The following PRH1 variants were observed in gnomAD, a reference collection of about 807,000 sequenced individuals.
PRH1 encodes the protein salivary acidic proline-rich phosphoprotein 1/2.
PRH1 carries 7 observed loss-of-function variants against 7.9 expected under a neutral mutation model. The ratio of observed to expected loss-of-function variants is 0.89; its 90% CI spans 0.50 to 1.67. The LOEUF (loss-of-function observed/expected upper bound fraction) is 1.67. Among genes scored for constraint, PRH1 ranks in the 40% most tolerant of loss-of-function variants. The pLI, the probability that PRH1 is intolerant of heterozygous loss-of-function variation, is 0.00. For synonymous variants in PRH1, 45 were observed against 80.8 expected (o/e 0.56, Z 2.38); for missense variants, 109 against 223.6 (o/e 0.49, Z 3.27).
intron 1 of PRH1, chr12:11,021,855 G>A: frequency 6.2e-7 from 1 of 1,614,258 alleles, no homozygotes; most frequent in Non-Finnish European, 8.5e-7. Flanking sequence ...GAAAGTAAAT[G>A]GCAAATAACA....
downstream of PRH1, among the ~76,000 whole-genome samples, chr12:11,116,157 C>T (rs2597944): frequency 0.46 from 69,059 of 151,374 alleles, 16,517 homozygotes; most frequent in Non-Finnish European, 0.53. Context: ...TCAGGCCGAC[C>T]AAGAAAAAAA....
intron 1 of PRH1, chr12:11,022,481 T>C: frequency 6.2e-7 from 1 of 1,613,742 alleles, no homozygotes; most frequent in Non-Finnish European, 8.5e-7. Flanking sequence ...TCAATGACAT[T>C]TACTAGGGCT....
At chr12:10,940,411 G>A (rs1398512146) in intron 2 of PRH1, among the ~76,000 whole-genome samples, 5 of 152,036 alleles carry the variant, frequency 3.3e-5, no homozygotes, top group Non-Finnish European at 1.5e-5. Context: ...TAAATATTCC[G>A]GAGACTTTGG....
chr12:10,902,834 A>G (rs1949742654), intron 2 of PRH1, among the ~76,000 whole-genome samples: 1 of 152,184 alleles, frequency 6.6e-6, no homozygotes, highest in Admixed American at 6.5e-5. Flanking sequence ...AAAGGAATTT[A>G]TTACCACTGG....
At chr12:10,981,371 T>TC (rs1475517218) in intron 1 of PRH1, among the ~76,000 whole-genome samples, 24 of 41,858 alleles carry the variant, frequency 5.7e-4, no homozygotes, top group Admixed American at 5.7e-3. Context: ...CTGGATTTTT[T>TC]TTTTTTTTTT....
At position 11,096,011 on chromosome 12, in the gene PRH1, T is replaced by C. The variant is rs2136272541; in HGVS notation, n.124-48823A>G. ...AATCTATCTTTTCCTCTAGTTACTT[T>C]TCAGGTTTTCTATTGGTCTTTGATG... On this transcript the variant is annotated intron_variant and non_coding_transcript_variant, in intron 1 of 4. Transcript: ENST00000541977. 1.8e-5 allele frequency among the ~76,000 whole-genome samples: 2 copies of C among 112,768 alleles called. 1 individual carries two copies. The highest frequency in any genetic ancestry group is 4.2e-5 in the Non-Finnish European group (2 of 48,040). 74.0% of individuals were successfully genotyped at this position (112,768 alleles called of 152,430 possible).
intron 2 of PRH1, among the ~76,000 whole-genome samples, chr12:10,955,810 A>G (rs1443392640): frequency 3.3e-5 from 5 of 152,184 alleles, no homozygotes; most frequent in Non-Finnish European, 7.4e-5. Context: ...CTCTATGCCC[A>G]CAAGCTAGAA....
intron 1 of PRH1, among the ~76,000 whole-genome samples, chr12:10,983,138 A>G (rs934532254): frequency 3.3e-5 from 5 of 152,330 alleles, no homozygotes; most frequent in African/African-American, 9.6e-5. Flanking sequence ...GACTCTGTGC[A>G]TGCCTCTCAC....
intron 1 of PRH1, among the ~76,000 whole-genome samples, chr12:11,154,554 G>C (rs540764358): frequency 2.6e-5 from 4 of 152,160 alleles, no homozygotes; most frequent in Non-Finnish European, 5.9e-5. Context: ...TCTAGGGGAG[G>C]TGGAGGGAAG....
chr12:11,011,327 G>C (rs1444687856), intron 1 of PRH1, among the ~76,000 whole-genome samples: 1 of 152,046 alleles, frequency 6.6e-6, no homozygotes, highest in Non-Finnish European at 1.5e-5. Flanking sequence ...GAAAGCACCA[G>C]GGTGTGCTAA....
chr12:10,907,002 T>C (rs1225051139), intron 2 of PRH1, among the ~76,000 whole-genome samples: 1 of 152,218 alleles, frequency 6.6e-6, no homozygotes, highest in Non-Finnish European at 1.5e-5. Context: ...TCAGCCTCAC[T>C]AGCCATTAGG....
chr12:11,032,406 G>C (rs1942264635), intron 1 of PRH1, among the ~76,000 whole-genome samples: 1 of 152,170 alleles, frequency 6.6e-6, no homozygotes, highest in South Asian at 2.1e-4. Context: ...AGATTTTCTT[G>C]AGAACCACAG....
At chr12:11,025,653 C>A (rs1941873216) in intron 1 of PRH1, among the ~76,000 whole-genome samples, 1 of 152,298 alleles carries the variant, frequency 6.6e-6, no homozygotes, top group South Asian at 2.1e-4. Context: ...TCTTACAGAA[C>A]TCCAGAAGTA....
chr12:10,904,532 A>G (rs1179747909), intron 2 of PRH1, among the ~76,000 whole-genome samples: 1 of 152,158 alleles, frequency 6.6e-6, no homozygotes, highest in Non-Finnish European at 1.5e-5. Flanking sequence ...TTAACTCAGG[A>G]TGGGTCAAAA....
chr12:11,076,870 C>T (rs1020188851), intron 1 of PRH1: 1 of 114,004 alleles, frequency 8.8e-6, no homozygotes, highest in East Asian at 2.1e-4. Flanking sequence ...TAAAACCTAC[C>T]CCAAAGATAC....
intron 2 of PRH1, among the ~76,000 whole-genome samples, chr12:10,961,692 C>G (rs1057248622): frequency 6.6e-6 from 1 of 152,178 alleles, no homozygotes; most frequent in African/African-American, 2.4e-5. Context: ...CAGCCACCAA[C>G]GGACTGGATG....
intron 2 of PRH1, among the ~76,000 whole-genome samples, chr12:10,972,379 C>T (rs1938856708): frequency 2.0e-5 from 3 of 152,144 alleles, no homozygotes; most frequent in African/African-American, 4.8e-5. Context: ...TGACCAATGT[C>T]AAGCAGTAAA....
intron 2 of PRH1, among the ~76,000 whole-genome samples, chr12:10,972,928 A>ATCCCCCCCC (rs1555119295): frequency 3.0e-5 from 3 of 100,326 alleles, no homozygotes; most frequent in African/African-American, 1.1e-4. Flanking sequence ...AAGCACCACA[A>ATCCCCCCCC]CCCACCCCCC....
chr12:10,904,278 T>C (rs560117702), intron 2 of PRH1, among the ~76,000 whole-genome samples: 1 of 152,086 alleles, frequency 6.6e-6, no homozygotes, highest in Non-Finnish European at 1.5e-5. Flanking sequence ...CTTCAAACTA[T>C]ACTATAAAGC....
Sources: allele counts gnomAD v4.1 joint callset (sites outside exome capture counted in the v4.1 genomes callset), GRCh38; gene constraint gnomAD v4.1.1; transcripts MANE v1.5; gene names NCBI Gene and HGNC (gene_info 2026-07-23, HGNC 2026-07-21).